CDK15: variants seen among roughly 807,000 people sequenced by gnomAD.
CDK15 encodes cyclin dependent kinase 15.
A neutral mutation model predicts 60.3 loss-of-function variants in CDK15; 62 were observed. The observed-to-expected ratio is 1.03, with a 90% CI of 0.84 to 1.27. CDK15 has a LOEUF of 1.27. CDK15 is among the 50% of genes most tolerant of loss of function. The pLI is 0.00. For synonymous variants in CDK15, 194 were observed against 195.7 expected (o/e 0.99, Z 0.07); for missense variants, 541 against 527.8 (o/e 1.03, Z -0.25).
chr2:201,872,950 C>T (rs910423448), intron 11 of CDK15, among the ~76,000 whole-genome samples: 3 of 151,822 alleles, frequency 2.0e-5, no homozygotes, highest in Admixed American at 2.0e-4. Flanking sequence ...GTTCTTTTTG[C>T]TTCAGTGAGG....
rs572363274 is a variant in CDK15, at chr2:201,827,209, G to A, written c.606+3482G>A. Among the ~76,000 whole-genome samples the A allele has an allele frequency of 2.6e-5, 4 of 152,286 alleles. 1 individual carries two copies. The highest frequency in any genetic ancestry group is 2.6e-4 in the Admixed American group (4 of 15,292). On this transcript the variant is annotated intron_variant, in intron 6 of 13. Transcript: ENST00000652192. ...ACCTATAATTCCAGCACTTTGGGAG[G>A]CCAAGTCAAGAAGATCGCTTGAACC...
At chr2:201,841,859 G>A (rs75271248) in intron 8 of CDK15, among the ~76,000 whole-genome samples, 4,089 of 152,258 alleles carry the variant, frequency 0.027, 186 homozygotes, top group African/African-American at 0.094. Flanking sequence ...ATCTTCTGAC[G>A]TCTTTTCTTC....
intron 10 of CDK15, among the ~76,000 whole-genome samples, chr2:201,865,789 C>G (rs892051951): frequency 6.7e-6 from 1 of 148,256 alleles, no homozygotes; most frequent in African/African-American, 2.5e-5. Flanking sequence ...ACTCAGGAGG[C>G]TGAGGCAGGA....
At chr2:201,845,972 C>A (rs1697643446) in intron 8 of CDK15, among the ~76,000 whole-genome samples, 1 of 151,856 alleles carries the variant, frequency 6.6e-6, no homozygotes, top group African/African-American at 2.4e-5. Context: ...GATTTATTAG[C>A]AAAATAAATC....
chr2:201,852,251 C>T (rs1487085299), intron 9 of CDK15, among the ~76,000 whole-genome samples: 1 of 152,178 alleles, frequency 6.6e-6, no homozygotes. Context: ...AACAGGAAAG[C>T]TACACTTCAG....
At chr2:201,855,961 G>C (rs908781309) in intron 10 of CDK15, among the ~76,000 whole-genome samples, 4 of 151,816 alleles carry the variant, frequency 2.6e-5, no homozygotes, top group Non-Finnish European at 5.9e-5. Context: ...CAAGTAGCTG[G>C]GACTACAGGC....
chr2:201,812,173 CAAAA>C (rs56808760), intron 3 of CDK15, among the ~76,000 whole-genome samples: 44 of 96,818 alleles, frequency 4.5e-4, no homozygotes, highest in South Asian at 2.8e-3. Context: ...GATTCTGTCT[CAAAA>C]AAAAAAAAAA....
At chr2:201,854,090 T>C (rs1574905307) in intron 9 of CDK15, among the ~76,000 whole-genome samples, 1 of 151,730 alleles carries the variant, frequency 6.6e-6, no homozygotes, top group Non-Finnish European at 1.5e-5. Context: ...AGGAGAATGG[T>C]GTGAACCTGG....
intron 4 of CDK15, among the ~76,000 whole-genome samples, chr2:201,818,538 A>T (rs11681806): frequency 1.3e-5 from 2 of 152,040 alleles, no homozygotes; most frequent in Admixed American, 1.3e-4. Context: ...AGAAAGAAAG[A>T]CCTTGTCTTC....
At chr2:201,866,919 T>C (rs1343272282) in intron 10 of CDK15, among the ~76,000 whole-genome samples, 1 of 152,138 alleles carries the variant, frequency 6.6e-6, no homozygotes, top group African/African-American at 2.4e-5. Context: ...TCCATTCCTG[T>C]CTCAGCTAAT....
intron 9 of CDK15, among the ~76,000 whole-genome samples, chr2:201,852,083 C>G (rs944883046): frequency 4.6e-5 from 7 of 152,202 alleles, no homozygotes. Flanking sequence ...TCTCTTCACT[C>G]TAATGATTGT....
At chr2:201,857,800 C>T (rs1424650287) in intron 10 of CDK15, among the ~76,000 whole-genome samples, 1 of 152,138 alleles carries the variant, frequency 6.6e-6, no homozygotes, top group Non-Finnish European at 1.5e-5. Flanking sequence ...TCAGGAACAT[C>T]CTCTTACGTG....
chr2:201,840,386 T>C lies in CDK15; in HGVS notation c.851+4623T>C, dbSNP rs114237871. Among the ~76,000 whole-genome samples, 1,451 of 152,350 alleles carry C rather than the reference T, an allele frequency of 9.5e-3. 7 individuals are homozygous for C. The highest frequency in any genetic ancestry group is 0.014 in the Non-Finnish European group (976 of 68,034). On this transcript the variant is annotated intron_variant, in intron 8 of 13. Transcript: ENST00000652192. The stretch of plus-strand genomic sequence containing the variant: ...CCTACCAATGAAAGGTGTGTTGAAC[T>C]CATTCACTATATTGTTGATTTGTCA...
intron 7 of CDK15, among the ~76,000 whole-genome samples, chr2:201,835,429 T>G (rs2105743137): frequency 6.6e-6 from 1 of 152,288 alleles, no homozygotes; most frequent in East Asian, 1.9e-4. Context: ...CACACCCAGC[T>G]GCCAAGAAGG....
intron 6 of CDK15, chr2:201,824,724 G>T (rs1358622975): frequency 9.3e-6 from 5 of 538,256 alleles, no homozygotes; most frequent in Non-Finnish European, 1.1e-5. Flanking sequence ...TAGCAAAATG[G>T]CAGAATTCAT....
chr2:201,888,722 C>T, intron 12 of CDK15: 1 of 1,233,654 alleles, frequency 8.1e-7, no homozygotes, highest in Non-Finnish European at 1.0e-6. Context: ...GTGTCTCTCT[C>T]TCTCTCCCTC....
At chr2:201,840,702 A>G (rs1697338071) in intron 8 of CDK15, among the ~76,000 whole-genome samples, 1 of 152,202 alleles carries the variant, frequency 6.6e-6, no homozygotes, top group South Asian at 2.1e-4. Flanking sequence ...AACTTTGAAG[A>G]TGTCATTCCC....
At chr2:201,889,122 C>A in intron 12 of CDK15, 4 of 985,354 alleles carry the variant, frequency 4.1e-6, no homozygotes, top group Non-Finnish European at 4.8e-6. Flanking sequence ...TTAGGCCAGG[C>A]GAGGCAGAGC....
At chr2:201,844,679 C>T (rs929641660) in intron 8 of CDK15, among the ~76,000 whole-genome samples, 3 of 152,162 alleles carry the variant, frequency 2.0e-5, no homozygotes, top group East Asian at 3.9e-4. Flanking sequence ...ATAGGCCAAG[C>T]GTGTGGTGGC....
Sources: allele counts gnomAD v4.1 joint callset (sites outside exome capture counted in the v4.1 genomes callset), GRCh38; gene constraint gnomAD v4.1.1; transcripts MANE v1.5; gene names NCBI Gene and HGNC (gene_info 2026-07-23, HGNC 2026-07-21).